Variants in BARX2 observed in about 807,000 individuals in gnomAD.
BARX2 encodes the protein BARX homeobox 2, also known as homeobox protein BarH-like 2.
In BARX2, 11 loss-of-function variants were observed where a neutral mutation model predicts 25.5. That is an observed-to-expected ratio of 0.43 (90% CI 0.27 to 0.71). BARX2 has a LOEUF of 0.71. BARX2 is among the 30% of genes least tolerant of loss of function. The pLI, the probability that BARX2 is intolerant of heterozygous loss-of-function variation, is 0.19. For synonymous variants in BARX2, 137 were observed against 149.5 expected (o/e 0.92, Z 0.61); for missense variants, 360 against 359.9 (o/e 1.00, Z 0.00).
At chr11:129,437,222 A>G (rs1862202307) in intron 2 of BARX2, 171 bp downstream of exon 2, 1 of 753,110 alleles carries the variant, frequency 1.3e-6, no homozygotes, top group East Asian at 3.1e-5. Context: ...CCCAGCCCAC[A>G]TGAATCCACC....
At chr11:129,414,065 C>CAAAAAAAAAAAAAAAAAAAA (rs879620964) in intron 1 of BARX2, among the ~76,000 whole-genome samples, 32 of 133,078 alleles carry the variant, frequency 2.4e-4, no homozygotes, top group African/African-American at 8.1e-4. Flanking sequence ...GACTCCATCT[C>CAAAAAAAAAAAAAAAAAAAA]AAAAAAAAAA....
chr11:129,395,598 GC>G (rs1861711507), intron 1 of BARX2, among the ~76,000 whole-genome samples: 1 of 152,122 alleles, frequency 6.6e-6, no homozygotes, highest in South Asian at 2.1e-4. Flanking sequence ...GCCACGTTCA[GC>G]CCTCTCTCTC....
chr11:129,408,519 G>A (rs1273749008), intron 1 of BARX2, among the ~76,000 whole-genome samples: 3 of 152,142 alleles, frequency 2.0e-5, no homozygotes, highest in African/African-American at 7.2e-5. Context: ...TCTCTTCACT[G>A]TGCTTCATCC....
At chr11:129,391,808 T>C (rs1861668855) in intron 1 of BARX2, among the ~76,000 whole-genome samples, 1 of 152,188 alleles carries the variant, frequency 6.6e-6, no homozygotes, top group South Asian at 2.1e-4. Flanking sequence ...GACTTTCTCT[T>C]TGCTGCTGCA....
chr11:129,451,748 C>G lies in BARX2; in HGVS notation c.*346C>G, dbSNP rs562489812. On this transcript the variant is annotated 3_prime_UTR_variant, in exon 4 of 4. Transcript: ENST00000281437. The stretch of plus-strand genomic sequence containing the variant: ...AGCATGCAGTGGAAAGTGCTTAGCT[C>G]TCTCCCTCCTGACCTCTGGGCAGCC... 4.5e-6 allele frequency: 1 copy of G among 221,482 alleles called. No homozygotes were observed. Among genetic ancestry groups the G allele is most frequent in the East Asian group, 9.8e-5 (1 of 10,186 alleles). The allele number at this position is 221,482 out of a possible 1,614,324, so 13.7% of individuals were successfully genotyped here.
At chr11:129,397,722 C>T (rs1191489540) in intron 1 of BARX2, among the ~76,000 whole-genome samples, 4 of 152,220 alleles carry the variant, frequency 2.6e-5, no homozygotes, top group Admixed American at 6.5e-5. Context: ...TTACCAGAAT[C>T]ATACGACCAA....
Position 129,447,676 on chromosome 11 carries a change from A to AT in BARX2, c.574-3451dup, listed in dbSNP as rs891951779. On this transcript the variant is annotated intron_variant, in intron 3 of 3. Coordinates refer to ENST00000281437, the MANE Select transcript of BARX2 (RefSeq NM_003658.5). ...AGAAAATGGTCTAATTGTTTTGGGG[A>AT]TTTTTTTTTCATGCAGTAGGAAAAC... Among the ~76,000 whole-genome samples, 46 of 151,222 alleles carry AT rather than the reference A, an allele frequency of 3.0e-4. No homozygotes were observed. In the East Asian group the frequency reaches 5.3e-3, roughly 17 times the overall value.
At chr11:129,379,637 C>T in intron 1 of BARX2, among the ~76,000 whole-genome samples, 1 of 152,082 alleles carries the variant, frequency 6.6e-6, no homozygotes, top group East Asian at 1.9e-4. Flanking sequence ...CTCTGCCTTT[C>T]TGTCTGATCT....
intron 3 of BARX2, among the ~76,000 whole-genome samples, chr11:129,448,130 C>T (rs1002264632): frequency 3.9e-5 from 6 of 152,182 alleles, no homozygotes; most frequent in Admixed American, 2.6e-4. Context: ...TTTCTTACTT[C>T]ATACTCAAAA....
chr11:129,450,940 A>T (rs75931603), intron 3 of BARX2, among the ~76,000 whole-genome samples, 196 bp from the exon 4 acceptor site: 1 of 152,326 alleles, frequency 6.6e-6, no homozygotes, highest in East Asian at 1.9e-4. Flanking sequence ...ATGTTGACCA[A>T]AAATGCGTTG....
chr11:129,387,577 GTGT>G (rs1415228545), intron 1 of BARX2, among the ~76,000 whole-genome samples: 1 of 152,162 alleles, frequency 6.6e-6, no homozygotes, highest in Non-Finnish European at 1.5e-5. Flanking sequence ...TTTCGGAAAG[GTGT>G]TGTTAATATT....
intron 1 of BARX2, among the ~76,000 whole-genome samples, chr11:129,432,026 C>G (rs1862135226): frequency 6.6e-6 from 1 of 151,268 alleles, no homozygotes; most frequent in Non-Finnish European, 1.5e-5. Flanking sequence ...TCTGGATGTC[C>G]AATTGCTCCA....
rs1427573779 is a variant in BARX2 at position 129,390,505 on chromosome 11, G to A, written c.187+14283G>A. Among the ~76,000 whole-genome samples the A allele has an allele frequency of 2.0e-5, 3 of 152,264 alleles. No homozygotes were observed. Among genetic ancestry groups the A allele is most frequent in the Non-Finnish European group, 2.9e-5 (2 of 68,036 alleles). Reference sequence around the variant, plus strand: ...TGCATATGTTTGTGTTCCAGTAGGAGGGGAGTAGGCAGGAATGGGGTGGGA... The same window carrying A: ...TGCATATGTTTGTGTTCCAGTAGGAAGGGAGTAGGCAGGAATGGGGTGGGA... On this transcript the variant is annotated intron_variant, in intron 1 of 3. Coordinates refer to ENST00000281437, the MANE Select transcript of BARX2 (RefSeq NM_003658.5). The surrounding 1 kb of genome is among the most constrained non-coding windows in gnomAD (Gnocchi z 4.3).
rs750253358 is a variant in BARX2, at chr11:129,376,031, T to C, written c.-5T>C. The C allele has an allele frequency of 6.6e-7, 1 of 1,512,936 alleles. No individual in the cohort carries two copies. Among genetic ancestry groups the C allele is most frequent in the Non-Finnish European group, 8.8e-7 (1 of 1,132,050 alleles). 93.7% of individuals were successfully genotyped at this position (1,512,936 alleles called of 1,614,324 possible). Reference sequence around the variant, plus strand: ...CGGGCCGGCGGACGCTCGCGCCGGCTCACCATGCACTGCCACGCCGAGCTG... The same window carrying C: ...CGGGCCGGCGGACGCTCGCGCCGGCCCACCATGCACTGCCACGCCGAGCTG... On this transcript the variant is annotated 5_prime_UTR_variant, in exon 1 of 4. Transcript: ENST00000281437. This position sits in a 1 kb window ranked among gnomAD's most constrained non-coding sequence, Gnocchi z 4.2.
chr11:129,412,862 A>G (rs1471517118), intron 1 of BARX2, among the ~76,000 whole-genome samples: 3 of 152,246 alleles, frequency 2.0e-5, no homozygotes. Flanking sequence ...CTGGCCCTAA[A>G]ATAAGTTCTG....
At chr11:129,383,136 GT>G (rs1861585399) in intron 1 of BARX2, among the ~76,000 whole-genome samples, 1 of 152,128 alleles carries the variant, frequency 6.6e-6, no homozygotes, top group Admixed American at 6.5e-5. Context: ...TTGTTTGTTT[GT>G]TTTTTAACCA....
At chr11:129,395,823 G>T (rs1185321436) in intron 1 of BARX2, among the ~76,000 whole-genome samples, 1 of 152,126 alleles carries the variant, frequency 6.6e-6, no homozygotes, top group Non-Finnish European at 1.5e-5. Flanking sequence ...CAGTTCTGCC[G>T]CTCACTGGGT....
intron 1 of BARX2, among the ~76,000 whole-genome samples, chr11:129,396,303 C>G (rs1861720557): frequency 6.6e-6 from 1 of 151,972 alleles, no homozygotes; most frequent in South Asian, 2.1e-4. Context: ...TATGTTTTCT[C>G]TTACTTGACG....
At chr11:129,438,346 G>A (rs1203709263) in intron 2 of BARX2, 1 of 148,530 alleles carries the variant, frequency 6.7e-6, no homozygotes, top group Non-Finnish European at 1.5e-5. Flanking sequence ...AAAAAAAAGT[G>A]TGTATCTCAG....
Sources: gnomAD v4.1 joint callset for allele counts (sites outside exome capture counted in the v4.1 genomes callset) on GRCh38, gnomAD v4.1.1 for gene constraint, Gnocchi (gnomAD v3.1) non-coding constraint, MANE v1.5 for transcripts, NCBI Gene and HGNC (gene_info 2026-07-23, HGNC 2026-07-21) for gene names.